MORN2: variants seen among roughly 807,000 people sequenced by gnomAD.
MORN2 encodes the protein MORN repeat containing 2.
MORN2 carries 15 observed loss-of-function variants against 13.4 expected under a neutral mutation model. The observed-to-expected ratio is 1.12, with a 90% CI of 0.75 to 1.72. The LOEUF (loss-of-function observed/expected upper bound fraction) is 1.72, where lower values mean the gene tolerates loss of function less well. Ranked by LOEUF, MORN2 falls within the 40% of genes most tolerant of loss-of-function variation. The pLI, the probability that MORN2 is intolerant of heterozygous loss-of-function variation, is 0.00. For missense variants in MORN2, 168 were observed against 134.6 expected, an observed-to-expected ratio of 1.25 and a Z score of -1.23; for synonymous variants, 46 against 43.6, an observed-to-expected ratio of 1.06 and a Z score of -0.22.
In MORN2 at chr2:38,880,713, T is replaced by G. The variant is rs936256086; in HGVS notation, c.216+7T>G. 1 of 1,549,842 alleles carries G rather than the reference T, an allele frequency of 6.5e-7. No homozygotes were observed. Among genetic ancestry groups the G allele is most frequent in the African/African-American group, 1.4e-5 (1 of 73,034 alleles). On this transcript the variant is annotated splice_region_variant and intron_variant, in intron 3 of 4. Coordinates refer to ENST00000644631, the MANE Select transcript of MORN2 (RefSeq NM_001145450.3). The stretch of plus-strand genomic sequence containing the variant: ...AAGCTGGAAAGATGACAAGGTATTA[T>G]TGTTGTTTTTAATATTGGCAGTGGA...
At chr2:38,877,747 T>A (rs566531439) in intron 1 of MORN2, among the ~76,000 whole-genome samples, 1 of 147,168 alleles carries the variant, frequency 6.8e-6, no homozygotes, top group East Asian at 2.1e-4. Context: ...ACCCAAAGCG[T>A]TGGGATTACA....
At chr2:38,876,299 T>G (rs1326139648) in intron 1 of MORN2, 189 bp downstream of exon 1, 1 of 393,690 alleles carries the variant, frequency 2.5e-6, no homozygotes, top group Middle Eastern at 6.4e-4. Flanking sequence ...GTTAATTCGC[T>G]GTTGAGACAC....
chr2:38,876,488 A>C lies in MORN2; in HGVS notation c.58+378A>C, dbSNP rs181837733. On this transcript the variant is annotated intron_variant, in intron 1 of 4. Coordinates refer to ENST00000644631, the MANE Select transcript of MORN2 (RefSeq NM_001145450.3). ...TAATGCTCTGCTTCATAGGCACTTAACGATTCCTTCCGAAGTGCCCTTCAT... is the reference window on the plus strand; with the variant it reads ...TAATGCTCTGCTTCATAGGCACTTACCGATTCCTTCCGAAGTGCCCTTCAT... 8.5e-5 allele frequency among the ~76,000 whole-genome samples: 13 copies of C among 152,332 alleles called. No homozygotes were observed. The East Asian group carries it at 2.5e-3, about 29-fold the overall frequency.
intron 1 of MORN2, among the ~76,000 whole-genome samples, chr2:38,877,736 C>T (rs1399252810): frequency 6.6e-6 from 1 of 152,032 alleles, no homozygotes; most frequent in Non-Finnish European, 1.5e-5. Flanking sequence ...CCACCTCACC[C>T]ACCCAAAGCG....
intron 2 of MORN2, among the ~76,000 whole-genome samples, 169 bp from the exon 3 acceptor site, chr2:38,880,431 G>T (rs926280159): frequency 6.6e-6 from 1 of 152,098 alleles, no homozygotes; most frequent in African/African-American, 2.4e-5. Context: ...AATCTTCCTG[G>T]CCCTTGAGTC....
chr2:38,878,808 C>G (rs1280891942), intron 1 of MORN2, among the ~76,000 whole-genome samples: 1 of 152,144 alleles, frequency 6.6e-6, no homozygotes, highest in Non-Finnish European at 1.5e-5. Flanking sequence ...ATTGTGTTAA[C>G]TCTGTTTCCT....
chr2:38,880,692 T>A lies in MORN2; in HGVS notation c.202T>A (p.Trp68Arg). 1 of 1,550,164 alleles carries A rather than the reference T, an allele frequency of 6.5e-7. No individual in the cohort carries two copies. Among genetic ancestry groups the A allele is most frequent in the Non-Finnish European group, 8.7e-7 (1 of 1,146,820 alleles). ...TAATGGGATTGTCTACACAGGAAGC[T>A]GGAAAGATGACAAGGTATTATTGTT... Residue 68 changes from tryptophan to arginine, a missense_variant, in exon 3 of 5, where the codon TGG (tryptophan) becomes AGG (arginine). By Grantham distance (101) the Trp-to-Arg change is moderately radical (BLOSUM62 -3). Coordinates refer to ENST00000644631, the MANE Select transcript of MORN2 (RefSeq NM_001145450.3).
At chr2:38,877,282 A>T (rs1397945535) in intron 1 of MORN2, among the ~76,000 whole-genome samples, 2 of 149,660 alleles carry the variant, frequency 1.3e-5, no homozygotes, top group African/African-American at 4.9e-5. Flanking sequence ...AAATAAATAA[A>T]TAAATAAATT....
intron 3 of MORN2, 114 bp from the exon 4 acceptor site, chr2:38,881,328 A>G (rs1387099077): frequency 1.1e-6 from 1 of 887,132 alleles, no homozygotes; most frequent in Non-Finnish European, 1.7e-6. Context: ...AAAGGACAAT[A>G]CAAAGTTGGT....
In MORN2 at chr2:38,876,007, C is replaced by T. The variant is rs990455230; in HGVS notation, c.-46C>T. 5 of 398,726 alleles carry T rather than the reference C, an allele frequency of 1.3e-5. No homozygotes were observed. Among genetic ancestry groups the T allele is most frequent in the African/African-American group, 4.1e-5 (2 of 48,630 alleles). 24.7% of individuals were successfully genotyped at this position (398,726 alleles called of 1,614,324 possible). A position where few individuals can be genotyped will look rare whatever the true frequency, so the allele number is the denominator to read the frequency against. On this transcript the variant is annotated 5_prime_UTR_variant, in exon 1 of 5. Coordinates refer to ENST00000644631, the MANE Select transcript of MORN2 (RefSeq NM_001145450.3). ...TGCCCGGTCGCCCCAGCAACCAAGT[C>T]GCACCTGGAGCTGTCCTAGCGCCTA...
intron 3 of MORN2, 116 bp from the exon 4 acceptor site, chr2:38,881,326 A>T: frequency 1.1e-6 from 1 of 873,690 alleles, no homozygotes; most frequent in Admixed American, 3.4e-5. Context: ...ATAAAGGACA[A>T]TACAAAGTTG....
intron 4 of MORN2, among the ~76,000 whole-genome samples, chr2:38,882,140 G>C (rs1665789385): frequency 1.3e-5 from 2 of 150,230 alleles, no homozygotes; most frequent in Non-Finnish European, 3.0e-5. Flanking sequence ...CATTGTTTTG[G>C]TTTTGTGTGA....
rs1186935597 is a variant in MORN2 at position 38,881,503 on chromosome 2, A to T, written c.278A>T (p.Asp93Val). Residue 93 changes from aspartate (D) to valine (V), a missense_variant, in exon 4 of 5, where the codon GAT becomes GTT. Physicochemically the swap from Asp to Val is radical, Grantham distance 152. Coordinates refer to ENST00000644631, the MANE Select transcript of MORN2 (RefSeq NM_001145450.3). ...GCAGTATATGAAGGACAATTTAAGG[A>T]TAATATGTTTCATGGACTGGGGACT... 6.5e-7 allele frequency: 1 copy of T among 1,545,686 alleles called. No homozygotes were observed. The highest frequency in any genetic ancestry group is 1.4e-5 in the African/African-American group (1 of 72,750).
At chr2:38,880,937 G>A (rs1014292039) in intron 3 of MORN2, among the ~76,000 whole-genome samples, 5 of 151,996 alleles carry the variant, frequency 3.3e-5, no homozygotes, top group African/African-American at 9.7e-5. Context: ...AGCTGAATCC[G>A]TTACATAATT....
At chr2:38,881,340 A>G in intron 3 of MORN2, 102 bp from the exon 4 acceptor site, 1 of 1,022,014 alleles carries the variant, frequency 9.8e-7, no homozygotes, top group Non-Finnish European at 1.4e-6. Flanking sequence ...AAAGTTGGTT[A>G]AGTAATAATT....
intron 1 of MORN2, 81 bp downstream of exon 1, chr2:38,876,191 C>T (rs1053692514): frequency 1.5e-5 from 6 of 398,420 alleles, no homozygotes; most frequent in Admixed American, 4.4e-5. Flanking sequence ...ACCTGCTTGG[C>T]TCCCGGTAAC....
intron 1 of MORN2, among the ~76,000 whole-genome samples, chr2:38,879,056 C>A (rs1424650226): frequency 6.6e-6 from 1 of 152,148 alleles, no homozygotes; most frequent in Admixed American, 6.5e-5. Flanking sequence ...GGCCCAGAGT[C>A]CCCCTCAGTC....
chr2:38,882,410 C>T lies in MORN2; in HGVS notation c.354-3C>T. 4 of 1,532,566 alleles carry T rather than the reference C, an allele frequency of 2.6e-6. No individual in the cohort carries two copies. The highest frequency in any genetic ancestry group is 2.7e-6 in the Non-Finnish European group (3 of 1,131,846). 94.9% of individuals were successfully genotyped at this position (1,532,566 alleles called of 1,614,324 possible). ...ATGGAAAACTTATTTTCTACTATTG[C>T]AGGGTGGAAGGTGAAGGGGAATATA... On this transcript the variant is annotated splice_region_variant and splice_polypyrimidine_tract_variant and intron_variant, in intron 4 of 4. Transcript: ENST00000644631.
At chr2:38,881,353 C>T (rs1665773554) in intron 3 of MORN2, 89 bp from the exon 4 acceptor site, 4 of 1,151,844 alleles carry the variant, frequency 3.5e-6, no homozygotes, top group East Asian at 2.9e-5. Context: ...TAATAATTAG[C>T]AGATGATAGA....
Sources: allele counts gnomAD v4.1 joint callset (sites outside exome capture counted in the v4.1 genomes callset), GRCh38; gene constraint gnomAD v4.1.1; transcripts MANE v1.5; gene names NCBI Gene and HGNC (gene_info 2026-07-23, HGNC 2026-07-21).